MTMR7: variants seen among roughly 807,000 people sequenced by gnomAD.
The protein encoded by MTMR7 is phosphatidylinositol-3-phosphate phosphatase MTMR7.
MTMR7 carries 76 observed loss-of-function variants against 81.2 expected under a neutral mutation model. The ratio of observed to expected loss-of-function variants is 0.94; its 90% confidence interval spans 0.78 to 1.13. The LOEUF is 1.13. Among genes scored for constraint, MTMR7 ranks in the 50% most tolerant of loss-of-function variants. The pLI, the probability that MTMR7 is intolerant of heterozygous loss-of-function variation, is 0.00. For synonymous variants in MTMR7, 372 were observed against 289.8 expected (o/e 1.28, Z -2.88); for missense variants, 1,044 against 820.0 (o/e 1.27, Z -3.34).
intron 4 of MTMR7, among the ~76,000 whole-genome samples, chr8:17,353,280 C>T (rs1311886471): frequency 6.6e-6 from 1 of 152,028 alleles, no homozygotes; most frequent in Non-Finnish European, 1.5e-5. Context: ...TTGCCAGGGG[C>T]TGTGGTAGGT....
At chr8:17,306,035 T>C in intron 10 of MTMR7, 78 bp from the exon 11 acceptor site, 1 of 1,148,434 alleles carries the variant, frequency 8.7e-7, no homozygotes, top group Non-Finnish European at 1.2e-6. Flanking sequence ...AAAACAACCA[T>C]AAAAGCAACC....
chr8:17,315,395 A>G (rs1818011902), intron 7 of MTMR7, among the ~76,000 whole-genome samples: 1 of 117,398 alleles, frequency 8.5e-6, no homozygotes, highest in South Asian at 3.1e-4. Flanking sequence ...AAACTACGAC[A>G]GTGGTTACAT....
In MTMR7 at chr8:17,313,281, CA is replaced by C. The variant is rs1358604808; in HGVS notation, c.975+10del. On this transcript the variant is annotated intron_variant, in intron 8 of 13. Coordinates refer to ENST00000180173, the MANE Select transcript of MTMR7 (RefSeq NM_004686.5). ...TCTGTCCCTTAATTTATTTTCTCTGCAATTGCATACCTTTGCAATGAAGATT... is the reference window on the plus strand; with the variant it reads ...TCTGTCCCTTAATTTATTTTCTCTGCATTGCATACCTTTGCAATGAAGATT... 1 of 1,583,006 alleles carries C rather than the reference CA, an allele frequency of 6.3e-7. No individual in the cohort carries two copies. The highest frequency in any genetic ancestry group is 1.7e-5 in the Admixed American group (1 of 58,800).
At position 17,299,764 on chromosome 8, in the gene MTMR7, C is replaced by G. The variant is rs1238678061; in HGVS notation, c.*98G>C. On this transcript the variant is annotated 3_prime_UTR_variant, in exon 14 of 14. Transcript: ENST00000180173. The stretch of plus-strand genomic sequence containing the variant: ...GCTGCATTAAAGTAGTTCTCAATGA[C>G]ATGCACCATTTCCTGTTTTTACAAT... 6.6e-6 allele frequency: 10 copies of G among 1,506,824 alleles called. No homozygotes were observed. The highest frequency in any genetic ancestry group is 9.0e-6 in the Non-Finnish European group (10 of 1,113,746). 93.3% of individuals were successfully genotyped at this position (1,506,824 alleles called of 1,614,324 possible).
At chr8:17,339,534 T>C (rs1325328928) in intron 6 of MTMR7, among the ~76,000 whole-genome samples, 1 of 152,246 alleles carries the variant, frequency 6.6e-6, no homozygotes, top group Admixed American at 6.5e-5. Context: ...CTTCTTCCTC[T>C]TAGTATGACA....
intron 1 of MTMR7, among the ~76,000 whole-genome samples, chr8:17,404,164 G>C (rs1443990386): frequency 6.6e-6 from 1 of 152,142 alleles, no homozygotes; most frequent in Non-Finnish European, 1.5e-5. Flanking sequence ...AAGGGGACCA[G>C]GCAAGAGTTG....
At chr8:17,390,213 C>G (rs1267519711) in intron 1 of MTMR7, among the ~76,000 whole-genome samples, 1 of 152,010 alleles carries the variant, frequency 6.6e-6, no homozygotes, top group Non-Finnish European at 1.5e-5. Flanking sequence ...AGCAGAGCGG[C>G]TTTTGCTTCT....
At chr8:17,376,290 T>C (rs573298351) in intron 1 of MTMR7, among the ~76,000 whole-genome samples, 1 of 152,236 alleles carries the variant, frequency 6.6e-6, no homozygotes, top group Admixed American at 6.5e-5. Flanking sequence ...TGTTGCCCCA[T>C]GATATACCAT....
Position 17,341,397 on chromosome 8 carries a change from C to T in MTMR7, c.698G>A (p.Ser233Asn). ...LQAIRKANPGSDFVYVVDTRP... is the reference protein window; with the variant it reads ...LQAIRKANPGNDFVYVVDTRP... ...GGTGTCAACGACATAAACGAAGTCA[C>T]TTCCTGGATTGGCTTTCCTAATGGC... The change falls in exon 6 of 14, where the codon AGT (serine) becomes AAT (asparagine). Residue 233 changes from serine (S) to asparagine (N), a missense_variant. Ser to Asn is a conservative substitution (Grantham distance 46). Coordinates refer to ENST00000180173, the MANE Select transcript of MTMR7 (RefSeq NM_004686.5). 3 of 1,614,202 alleles carry T rather than the reference C, an allele frequency of 1.9e-6. No individual in the cohort carries two copies. The highest frequency in any genetic ancestry group is 3.3e-5 in the Admixed American group (2 of 60,024).
Position 17,343,660 on chromosome 8 carries a change from C to T in MTMR7, c.598-2163G>A, listed in dbSNP as rs533998150. Among the ~76,000 whole-genome samples, 17 of 152,284 alleles carry T rather than the reference C, an allele frequency of 1.1e-4. 1 individual carries two copies. In the South Asian group the frequency reaches 2.9e-3, roughly 26 times the overall value. ...AGCTAGTTTTAAATGAGGAACTATA[C>T]TGGAACTGTTATATACTGTGGAATG... On this transcript the variant is annotated intron_variant, in intron 5 of 13. Coordinates refer to ENST00000180173, the MANE Select transcript of MTMR7 (RefSeq NM_004686.5).
intron 1 of MTMR7, among the ~76,000 whole-genome samples, chr8:17,397,310 C>A (rs1472021286): frequency 6.6e-6 from 1 of 152,158 alleles, no homozygotes; most frequent in Non-Finnish European, 1.5e-5. Flanking sequence ...GACATCATTT[C>A]TGGACCTGCC....
At chr8:17,384,514 G>A (rs1820868857) in intron 1 of MTMR7, among the ~76,000 whole-genome samples, 1 of 152,118 alleles carries the variant, frequency 6.6e-6, no homozygotes, top group Non-Finnish European at 1.5e-5. Flanking sequence ...CATTTCTCCT[G>A]TGTGAAACTC....
chr8:17,363,777 G>A (rs945391627), intron 3 of MTMR7, among the ~76,000 whole-genome samples: 2 of 151,808 alleles, frequency 1.3e-5, no homozygotes, highest in Non-Finnish European at 2.9e-5. Flanking sequence ...CTAAGAAATC[G>A]AAAAGCGCCA....
intron 5 of MTMR7, among the ~76,000 whole-genome samples, chr8:17,342,294 T>TA (rs1420914858): frequency 6.6e-6 from 1 of 152,154 alleles, no homozygotes; most frequent in African/African-American, 2.4e-5. Context: ...TTTTAACACT[T>TA]AAACACAAAA....
chr8:17,317,713 T>C (rs892805293), intron 7 of MTMR7, among the ~76,000 whole-genome samples: 6 of 152,224 alleles, frequency 3.9e-5, no homozygotes, highest in African/African-American at 1.4e-4. Flanking sequence ...AGATACCTGA[T>C]GGCTCGAATT....
intron 1 of MTMR7, among the ~76,000 whole-genome samples, chr8:17,384,303 T>C (rs1820859233): frequency 6.6e-6 from 1 of 152,004 alleles, no homozygotes; most frequent in Non-Finnish European, 1.5e-5. Flanking sequence ...CCCAGCTACT[T>C]AGGAGGCTGA....
chr8:17,340,762 G>C (rs980461802), intron 6 of MTMR7, among the ~76,000 whole-genome samples: 7 of 152,134 alleles, frequency 4.6e-5, no homozygotes, highest in Non-Finnish European at 8.8e-5. Context: ...CAATCAACAA[G>C]TAGAAAGCCC....
rs1290971775 is a variant in MTMR7, at chr8:17,364,047, T to C, written c.311-2773A>G. Among the ~76,000 whole-genome samples, 14 of 121,910 alleles carry C rather than the reference T, an allele frequency of 1.1e-4. No homozygotes were observed. The South Asian group carries it at 1.4e-3, about 12-fold the overall frequency. The allele number at this position is 121,910 out of a possible 152,430, so 80.0% of individuals were successfully genotyped here. ...TTTTTTTTTTTTTTTTTTTTTTTTT[T>C]CAGACGGAGTCTCGCTCTGTCGCCC... On this transcript the variant is annotated intron_variant, in intron 3 of 13. Transcript: ENST00000180173.
At chr8:17,309,355 G>C (rs760754379) in intron 9 of MTMR7, 29 bp from the exon 10 acceptor site, 3 of 1,481,076 alleles carry the variant, frequency 2.0e-6, no homozygotes, top group Non-Finnish European at 1.9e-6. Flanking sequence ...AAATATCTTG[G>C]AGAGAAGCAA....
Sources: allele counts gnomAD v4.1 joint callset (sites outside exome capture counted in the v4.1 genomes callset), GRCh38; gene constraint gnomAD v4.1.1; transcripts MANE v1.5; gene names NCBI Gene and HGNC (gene_info 2026-07-23, HGNC 2026-07-21).